Variants in NCOA7 observed in about 807,000 individuals in gnomAD.
The protein encoded by NCOA7 is nuclear receptor coactivator 7, also known as 140 kDa estrogen receptor-associated protein.
Under a neutral mutation model 104.3 loss-of-function variants are expected in NCOA7, and 45 were observed. That is an observed-to-expected ratio of 0.43 (90% CI 0.34 to 0.55). The LOEUF (loss-of-function observed/expected upper bound fraction) is 0.55. Among genes scored for constraint, NCOA7 ranks in the 20% least tolerant of loss-of-function variants. The pLI is 0.02. For missense variants in NCOA7, 1,041 were observed against 1,119.7 expected (o/e 0.93, Z 1.00); for synonymous variants, 398 against 402.3 (o/e 0.99, Z 0.13).
rs1788461719 is a variant in NCOA7 at position 125,931,458 on chromosome 6, T to C, written c.*2687T>C. ...ACTTTACTCTCTGATAAATTTTCTT[T>C]GGCATCCTGACACCTAGCCCCTAGA... On this transcript the variant is annotated 3_prime_UTR_variant, in exon 16 of 16. Transcript: ENST00000392477. 6.6e-6 allele frequency: 1 copy of C among 152,212 alleles called. No homozygotes were observed. The highest frequency in any genetic ancestry group is 6.5e-5 in the Admixed American group (1 of 15,284). The allele number at this position is 152,212 out of a possible 1,614,324, so 9.4% of individuals were successfully genotyped here.
At chr6:125,898,619 TA>T (rs761376339) in intron 10 of NCOA7, among the ~76,000 whole-genome samples, 4 of 151,490 alleles carry the variant, frequency 2.6e-5, no homozygotes, top group South Asian at 2.1e-4. Context: ...GATAATCTTC[TA>T]AAAAAAAACT....
intron 2 of NCOA7, among the ~76,000 whole-genome samples, chr6:125,816,169 A>G (rs1777576621): frequency 6.6e-6 from 1 of 152,178 alleles, no homozygotes; most frequent in Non-Finnish European, 1.5e-5. Flanking sequence ...TTAGAGATGC[A>G]TTTATTATTT....
intron 10 of NCOA7, among the ~76,000 whole-genome samples, chr6:125,895,247 T>C (rs1184497493): frequency 2.6e-5 from 4 of 152,230 alleles, no homozygotes; most frequent in African/African-American, 4.8e-5. Flanking sequence ...GCAGGAATTA[T>C]GTAGAGTTTC....
At chr6:125,791,360 G>C (rs1037924052) in intron 1 of NCOA7, among the ~76,000 whole-genome samples, 1 of 152,230 alleles carries the variant, frequency 6.6e-6, no homozygotes, top group East Asian at 1.9e-4. Context: ...GGTTGGCATG[G>C]GGCTTATTTG....
At chr6:125,787,491 G>A (rs1164035420), upstream of NCOA7, among the ~76,000 whole-genome samples, 5 of 152,168 alleles carry the variant, frequency 3.3e-5, no homozygotes, top group African/African-American at 4.8e-5. Context: ...AACAAATGGC[G>A]GAGTGAAGTG....
intron 1 of NCOA7, among the ~76,000 whole-genome samples, chr6:125,785,927 G>C (rs1275205884): frequency 2.6e-5 from 4 of 152,022 alleles, no homozygotes; most frequent in Non-Finnish European, 5.9e-5. Flanking sequence ...CCACAAAGAC[G>C]CCACAAAAAG....
At chr6:125,794,744 T>A (rs1236419481) in intron 1 of NCOA7, among the ~76,000 whole-genome samples, 5 of 152,236 alleles carry the variant, frequency 3.3e-5, no homozygotes, top group East Asian at 1.9e-4. Flanking sequence ...AACTTTTTTT[T>A]AAACTCTTAC....
chr6:125,796,089 C>G (rs1012065826), intron 1 of NCOA7, among the ~76,000 whole-genome samples: 4 of 152,040 alleles, frequency 2.6e-5, no homozygotes, highest in African/African-American at 9.7e-5. Context: ...CTCTAGGGGC[C>G]TTTCTTCCTT....
chr6:125,831,481 T>C (rs879040537), intron 2 of NCOA7, among the ~76,000 whole-genome samples: 1 of 151,874 alleles, frequency 6.6e-6, no homozygotes, highest in South Asian at 2.1e-4. Flanking sequence ...ACCAGGTTTG[T>C]TTGTTTTTTT....
chr6:125,827,144 C>T (rs1056720078), intron 2 of NCOA7, among the ~76,000 whole-genome samples: 1 of 140,512 alleles, frequency 7.1e-6, no homozygotes, highest in Non-Finnish European at 1.5e-5. Context: ...CTGAGACCTG[C>T]GCCATTGCAA....
intron 2 of NCOA7, among the ~76,000 whole-genome samples, chr6:125,841,117 T>C (rs973170162): frequency 4.0e-5 from 6 of 151,810 alleles, no homozygotes; most frequent in African/African-American, 1.5e-4. Flanking sequence ...GGTCTTGAAC[T>C]CCTGACCTAG....
At chr6:125,851,663 G>A (rs961099947) in intron 2 of NCOA7, among the ~76,000 whole-genome samples, 1 of 152,012 alleles carries the variant, frequency 6.6e-6, no homozygotes, top group Non-Finnish European at 1.5e-5. Flanking sequence ...TAATTTCTTC[G>A]AGAAATTGCC....
intron 10 of NCOA7, chr6:125,913,713 G>A (rs1400962110): frequency 3.3e-6 from 3 of 917,168 alleles, no homozygotes; most frequent in Non-Finnish European, 2.6e-6. Flanking sequence ...TACTGTGGGG[G>A]AAAAGACATG....
intron 2 of NCOA7, among the ~76,000 whole-genome samples, chr6:125,852,797 C>T (rs1781233638): frequency 6.6e-6 from 1 of 152,268 alleles, no homozygotes; most frequent in African/African-American, 2.4e-5. Flanking sequence ...AGGTACCATG[C>T]TGTTTTGGTA....
At chr6:125,902,450 G>A (rs958259865) in intron 10 of NCOA7, among the ~76,000 whole-genome samples, 1 of 151,216 alleles carries the variant, frequency 6.6e-6, no homozygotes, top group East Asian at 1.9e-4. Flanking sequence ...ACTTAGAAAT[G>A]TATGGTTTTT....
At chr6:125,927,077 G>GTTAT (rs1423106133) in intron 13 of NCOA7, among the ~76,000 whole-genome samples, 1 of 152,110 alleles carries the variant, frequency 6.6e-6, no homozygotes, top group Non-Finnish European at 1.5e-5. Flanking sequence ...ATATTACGGG[G>GTTAT]TTATTTGTTT....
chr6:125,896,274 A>G (rs1785011611), intron 10 of NCOA7, among the ~76,000 whole-genome samples: 1 of 152,238 alleles, frequency 6.6e-6, no homozygotes, highest in Admixed American at 6.5e-5. Context: ...GTGTGTGACC[A>G]TATATACACC....
chr6:125,844,522 T>C (rs1005309457), intron 2 of NCOA7, among the ~76,000 whole-genome samples: 1 of 152,224 alleles, frequency 6.6e-6, no homozygotes, highest in Non-Finnish European at 1.5e-5. Flanking sequence ...GTTGTTGTTT[T>C]AACTGTTTTT....
intron 7 of NCOA7, among the ~76,000 whole-genome samples, chr6:125,884,500 C>CTTA (rs1208752742): frequency 2.0e-5 from 3 of 152,132 alleles, no homozygotes; most frequent in African/African-American, 7.2e-5. Flanking sequence ...TCCGTATGGC[C>CTTA]ATTAAGGTCT....
Sources: gnomAD v4.1 joint callset for allele counts (sites outside exome capture counted in the v4.1 genomes callset) on GRCh38, gnomAD v4.1.1 for gene constraint, MANE v1.5 for transcripts, NCBI Gene and HGNC (gene_info 2026-07-23, HGNC 2026-07-21) for gene names.